GALNTL6: variants seen among roughly 807,000 people sequenced by gnomAD.
GALNTL6 encodes polypeptide N-acetylgalactosaminyltransferase-like 6.
GALNTL6 carries 46 observed loss-of-function variants against 73.7 expected under a neutral mutation model. The observed-to-expected ratio is 0.62, with a 90% CI of 0.49 to 0.80. The LOEUF (loss-of-function observed/expected upper bound fraction) is 0.80, where lower values mean the gene tolerates loss of function less well. GALNTL6 is among the 30% of genes least tolerant of loss of function. The pLI is 0.00. For missense variants in GALNTL6, 604 were observed against 755.0 expected (o/e 0.80, Z 2.34); for synonymous variants, 259 against 263.7 (o/e 0.98, Z 0.17).
intron 5 of GALNTL6, among the ~76,000 whole-genome samples, chr4:172,777,234 T>C (rs1412861484): frequency 1.3e-5 from 2 of 152,200 alleles, no homozygotes; most frequent in Non-Finnish European, 2.9e-5. Flanking sequence ...TTTACAGGCA[T>C]TGGAAATTAT....
intron 2 of GALNTL6, among the ~76,000 whole-genome samples, chr4:171,970,860 G>T (rs113421440): frequency 6.6e-6 from 1 of 152,044 alleles, no homozygotes. Context: ...AAAAAGTTTC[G>T]GAGCTAATGA....
chr4:172,918,209 G>T (rs1398030138), intron 8 of GALNTL6, among the ~76,000 whole-genome samples: 1 of 152,066 alleles, frequency 6.6e-6, no homozygotes, highest in African/African-American at 2.4e-5. Context: ...TGGACACAGA[G>T]TGGGGAACAT....
chr4:172,533,186 T>G (rs1021166919), intron 5 of GALNTL6, among the ~76,000 whole-genome samples: 1 of 150,496 alleles, frequency 6.6e-6, no homozygotes, highest in African/African-American at 2.5e-5. Context: ...TAATTTTTTG[T>G]ATTTTCAGTA....
chr4:172,211,603 G>A (rs1218582028), intron 2 of GALNTL6, among the ~76,000 whole-genome samples: 1 of 152,118 alleles, frequency 6.6e-6, no homozygotes, highest in Non-Finnish European at 1.5e-5. Flanking sequence ...ATTCCTGGGG[G>A]CCACACCTTT....
At chr4:172,651,172 G>A (rs985178152) in intron 5 of GALNTL6, among the ~76,000 whole-genome samples, 2 of 152,110 alleles carry the variant, frequency 1.3e-5, no homozygotes, top group African/African-American at 4.8e-5. Context: ...TTAGGTACAG[G>A]GACTTCTGGC....
chr4:171,894,074 A>G (rs1288549776), intron 2 of GALNTL6, among the ~76,000 whole-genome samples: 1 of 151,596 alleles, frequency 6.6e-6, no homozygotes, highest in Non-Finnish European at 1.5e-5. Flanking sequence ...CTTCATGTTG[A>G]TGATGCTTGC....
chr4:171,894,582 T>G (rs78067147), intron 2 of GALNTL6, among the ~76,000 whole-genome samples: 5,530 of 152,286 alleles, frequency 0.036, 311 homozygotes, highest in African/African-American at 0.12. Context: ...ATCTTGCTCT[T>G]TTGTCCAGGC....
chr4:173,039,293 G>C (rs896001706), intron 12 of GALNTL6, among the ~76,000 whole-genome samples: 1 of 152,164 alleles, frequency 6.6e-6, no homozygotes, highest in Non-Finnish European at 1.5e-5. Flanking sequence ...TGAAGCTCAA[G>C]AACTAGCAAA....
chr4:172,572,355 C>T (rs779299746), intron 5 of GALNTL6, among the ~76,000 whole-genome samples: 2 of 152,046 alleles, frequency 1.3e-5, no homozygotes, highest in African/African-American at 2.4e-5. Context: ...AACTCTGAAA[C>T]GTAATGAGAA....
Position 172,739,964 on chromosome 4 carries a change from T to A in GALNTL6, c.554-69397T>A, listed in dbSNP as rs532725909. 2.6e-5 allele frequency among the ~76,000 whole-genome samples: 4 copies of A among 151,534 alleles called. No homozygotes were observed. The South Asian group carries it at 8.4e-4, about 32-fold the overall frequency. On this transcript the variant is annotated intron_variant, in intron 5 of 12. Coordinates refer to ENST00000506823, the MANE Select transcript of GALNTL6 (RefSeq NM_001034845.3). ...CATTAAAAAAAAAAACTTACAAGGATGGCTACATGTTTTAATTTTCAGAGG... is the reference window on the plus strand; with the variant it reads ...CATTAAAAAAAAAAACTTACAAGGAAGGCTACATGTTTTAATTTTCAGAGG...
chr4:171,895,009 G>GACCTGGAAT (rs1736868868), intron 2 of GALNTL6, among the ~76,000 whole-genome samples: 1 of 152,172 alleles, frequency 6.6e-6, no homozygotes, highest in Non-Finnish European at 1.5e-5. Flanking sequence ...TGGAAGAAGT[G>GACCTGGAAT]ACCTGGAATA....
chr4:171,855,503 G>T (rs1213542188), intron 2 of GALNTL6, among the ~76,000 whole-genome samples: 1 of 152,176 alleles, frequency 6.6e-6, no homozygotes, highest in African/African-American at 2.4e-5. Context: ...ATGTAGTACA[G>T]TTTTTATGTA....
At chr4:172,837,216 A>G (rs1455229766) in intron 7 of GALNTL6, among the ~76,000 whole-genome samples, 1 of 152,228 alleles carries the variant, frequency 6.6e-6, no homozygotes, top group Non-Finnish European at 1.5e-5. Flanking sequence ...GTAGTTCATC[A>G]TAAAGAATTG....
intron 2 of GALNTL6, among the ~76,000 whole-genome samples, chr4:171,985,010 A>G (rs1451147852): frequency 6.6e-6 from 1 of 151,976 alleles, no homozygotes; most frequent in Non-Finnish European, 1.5e-5. Flanking sequence ...AAAAAAAAGA[A>G]AAGAAAACCC....
At chr4:171,956,516 A>G (rs1739054687) in intron 2 of GALNTL6, among the ~76,000 whole-genome samples, 1 of 152,298 alleles carries the variant, frequency 6.6e-6, no homozygotes, top group Admixed American at 6.5e-5. Context: ...GTTGCTGCCA[A>G]TACGTTTAGC....
At position 172,398,742 on chromosome 4, in the gene GALNTL6, T is replaced by C. The variant is rs114887540; in HGVS notation, c.553+50053T>C. ...ATATATTCAATTCCTAAAAATAATT[T>C]TGTAGAAGTATATTCAGTGACATAG... On this transcript the variant is annotated intron_variant, in intron 5 of 12. Coordinates refer to ENST00000506823, the MANE Select transcript of GALNTL6 (RefSeq NM_001034845.3). 2.8e-3 allele frequency among the ~76,000 whole-genome samples: 427 copies of C among 152,326 alleles called. 1 individual carries two copies. The highest frequency in any genetic ancestry group is 4.1e-3 in the Non-Finnish European group (279 of 68,026).
intron 5 of GALNTL6, among the ~76,000 whole-genome samples, chr4:172,768,416 G>A (rs984852468): frequency 2.0e-5 from 3 of 152,166 alleles, no homozygotes; most frequent in Admixed American, 1.3e-4. Flanking sequence ...CAGTATCCAG[G>A]CTCTTGACAC....
intron 2 of GALNTL6, among the ~76,000 whole-genome samples, chr4:171,876,750 T>C (rs1222157625): frequency 2.0e-5 from 3 of 152,244 alleles, no homozygotes; most frequent in Non-Finnish European, 2.9e-5. Flanking sequence ...ACATCTGGAA[T>C]TGATAAACAT....
intron 5 of GALNTL6, among the ~76,000 whole-genome samples, chr4:172,534,203 G>A (rs1279579837): frequency 6.6e-6 from 1 of 152,178 alleles, no homozygotes; most frequent in Non-Finnish European, 1.5e-5. Context: ...CTCCCAGCAA[G>A]TATTACTGGA....
Sources: allele counts gnomAD v4.1 joint callset (sites outside exome capture counted in the v4.1 genomes callset), GRCh38; gene constraint gnomAD v4.1.1; transcripts MANE v1.5; gene names NCBI Gene and HGNC (gene_info 2026-07-23, HGNC 2026-07-21).